Variants in PPIG observed in about 807,000 individuals in gnomAD.
PPIG encodes the protein peptidylprolyl isomerase G, also known as peptidyl-prolyl cis-trans isomerase G.
Under a neutral mutation model 87.9 loss-of-function variants are expected in PPIG, and 26 were observed. The observed-to-expected ratio is 0.30, with a 90% CI of 0.22 to 0.41. The LOEUF is 0.41. Among genes scored for constraint, PPIG ranks in the 10% least tolerant of loss-of-function variants. The pLI is 1.00. For synonymous variants in PPIG, 308 were observed against 276.5 expected, an observed-to-expected ratio of 1.11 and a Z score of -1.13; for missense variants, 722 against 879.4, an observed-to-expected ratio of 0.82 and a Z score of 2.26.
In PPIG at chr2:169,637,257, A is replaced by C; in HGVS notation, c.1999A>C (p.Lys667Gln). The stretch of plus-strand genomic sequence containing the variant: ...TGAGAGTGAGAAAAGAATGTACTCT[A>C]AAAGTCGTGATCATAATAGCTCAAA... ...NSESEKRMYS[K>Q]SRDHNSSNNS... The change falls in exon 14 of 14, where the codon AAA (lysine) becomes CAA (glutamine). Residue 667 changes from lysine (K) to glutamine (Q), a missense_variant. By Grantham distance (53) the Lys-to-Gln change is moderately conservative (BLOSUM62 1). This residue lies in a region of PPIG where 476 missense variants were observed against 483.1 expected (regional missense o/e 0.99). Transcript: ENST00000260970. 1 of 1,613,194 alleles carries C rather than the reference A, an allele frequency of 6.2e-7. No individual in the cohort carries two copies. The highest frequency in any genetic ancestry group is 8.5e-7 in the Non-Finnish European group (1 of 1,179,804).
At chr2:169,604,331 T>TG (rs1685262312) in intron 4 of PPIG, 70 bp downstream of exon 4, 1 of 534,482 alleles carries the variant, frequency 1.9e-6, no homozygotes, top group African/African-American at 2.2e-5. Flanking sequence ...TGCTTGGTTT[T>TG]TTTTTTTTTT....
chr2:169,634,888 G>C (rs1382990689), intron 12 of PPIG, among the ~76,000 whole-genome samples: 4 of 151,950 alleles, frequency 2.6e-5, no homozygotes, highest in Admixed American at 1.3e-4. Context: ...AATTACTGAG[G>C]ACCCAAAAGA....
At chr2:169,590,101 G>A (rs1313323332) in intron 1 of PPIG, among the ~76,000 whole-genome samples, 2 of 141,722 alleles carry the variant, frequency 1.4e-5, no homozygotes, top group Non-Finnish European at 1.5e-5. Flanking sequence ...AAGAAAGAGC[G>A]AAACTCTGTC....
chr2:169,591,748 G>C (rs994738387), intron 1 of PPIG, among the ~76,000 whole-genome samples: 2 of 149,496 alleles, frequency 1.3e-5, no homozygotes, highest in African/African-American at 4.9e-5. Context: ...GCTGATTGCT[G>C]TGTAGAAATG....
chr2:169,585,027 G>C (rs1462060861), intron 1 of PPIG: 1 of 159,926 alleles, frequency 6.3e-6, no homozygotes, highest in Non-Finnish European at 1.4e-5. Flanking sequence ...CTCCTCTTTC[G>C]ACCTTTTCCT....
At position 169,631,801 on chromosome 2, in the gene PPIG, C is replaced by T. The variant is rs755962530; in HGVS notation, c.797C>T (p.Ala266Val). ...GAGAGTGAAGCTGAAAATCTTGAAGCACAACCCCAGTCTACTGTCCGTCCA... is the reference window on the plus strand; with the variant it reads ...GAGAGTGAAGCTGAAAATCTTGAAGTACAACCCCAGTCTACTGTCCGTCCA... ...SSESEAENLEAQPQSTVRPEE... is the reference protein window; with the variant it reads ...SSESEAENLEVQPQSTVRPEE... Residue 266 changes from alanine to valine, a missense_variant, in exon 11 of 14, where the codon GCA becomes GTA. Physicochemically the swap from Ala to Val is moderately conservative, Grantham distance 64. Coordinates refer to ENST00000260970, the MANE Select transcript of PPIG (RefSeq NM_004792.3). The T allele has an allele frequency of 2.5e-6, 4 of 1,613,548 alleles. No homozygotes were observed. In the African/African-American group the frequency reaches 5.3e-5, roughly 22 times the overall value.
At chr2:169,613,155 CAT>C (rs1165743024) in intron 7 of PPIG, among the ~76,000 whole-genome samples, 2 of 152,106 alleles carry the variant, frequency 1.3e-5, no homozygotes, top group Non-Finnish European at 2.9e-5. Context: ...AAATGCAAAT[CAT>C]ATATATGCAT....
intron 1 of PPIG, among the ~76,000 whole-genome samples, chr2:169,594,039 A>G (rs1684945413): frequency 6.6e-6 from 1 of 152,044 alleles, no homozygotes; most frequent in African/African-American, 2.4e-5. Context: ...AGACAATTTC[A>G]CTTTTTTGTG....
intron 9 of PPIG, among the ~76,000 whole-genome samples, chr2:169,628,106 T>C (rs538820801): frequency 3.3e-5 from 5 of 152,272 alleles, no homozygotes; most frequent in South Asian, 2.1e-4. Context: ...AGGTTAACAG[T>C]TGGGCTCGTG....
intron 7 of PPIG, among the ~76,000 whole-genome samples, chr2:169,612,596 A>G (rs756699920): frequency 6.6e-6 from 1 of 151,802 alleles, no homozygotes; most frequent in African/African-American, 2.4e-5. Context: ...GTTAGCCAGG[A>G]TGGTCTCGAT....
chr2:169,623,919 C>G (rs1180100210), intron 9 of PPIG, among the ~76,000 whole-genome samples: 3 of 152,108 alleles, frequency 2.0e-5, no homozygotes, highest in Admixed American at 2.0e-4. Flanking sequence ...AACAAAGCAG[C>G]ATTTTGTTAC....
chr2:169,596,795 G>A (rs747639774), intron 1 of PPIG, among the ~76,000 whole-genome samples: 5 of 152,038 alleles, frequency 3.3e-5, no homozygotes, highest in African/African-American at 4.8e-5. Context: ...TGCTTCCCGG[G>A]TTTAAGCGAT....
At chr2:169,598,775 AT>A (rs1212676107) in intron 1 of PPIG, among the ~76,000 whole-genome samples, 33 of 149,040 alleles carry the variant, frequency 2.2e-4, no homozygotes, top group Admixed American at 6.7e-4. Flanking sequence ...TATATATCAA[AT>A]TATATATACA....
intron 1 of PPIG, among the ~76,000 whole-genome samples, chr2:169,586,190 G>C (rs992662063): frequency 2.6e-5 from 4 of 152,118 alleles, no homozygotes; most frequent in African/African-American, 9.7e-5. Flanking sequence ...AATTATTGAT[G>C]CTCTGAGATC....
rs185572830 is a variant in PPIG at position 169,615,784 on chromosome 2, C to T, written c.547+1060C>T. On this transcript the variant is annotated intron_variant, in intron 9 of 13. Coordinates refer to ENST00000260970, the MANE Select transcript of PPIG (RefSeq NM_004792.3). ...GAGAGTGAGATATCTCTTCAACACA[C>T]TGATCTCATTTCCTTTGGATATATA... Among the ~76,000 whole-genome samples, 3 of 152,294 alleles carry T rather than the reference C, an allele frequency of 2.0e-5. No individual in the cohort carries two copies. The East Asian group carries it at 5.8e-4, about 29-fold the overall frequency.
chr2:169,617,045 G>T (rs551732285), intron 9 of PPIG, among the ~76,000 whole-genome samples: 2 of 152,132 alleles, frequency 1.3e-5, no homozygotes, highest in Admixed American at 1.3e-4. Flanking sequence ...TGTATAAGGT[G>T]TAAGGAAGGG....
In PPIG at chr2:169,631,836, C is replaced by A; in HGVS notation, c.832C>A (p.Pro278Thr). The A allele has an allele frequency of 1.9e-6, 3 of 1,613,504 alleles. No individual in the cohort carries two copies. In the South Asian group the frequency reaches 3.3e-5, roughly 18 times the overall value. Reference sequence around the variant, plus strand: ...GTCTACTGTCCGTCCAGAAGAGATCCCTCCTATACCTGAAAATAGATTCCT... The same window carrying A: ...GTCTACTGTCCGTCCAGAAGAGATCACTCCTATACCTGAAAATAGATTCCT... ...PQSTVRPEEI[P>T]PIPENRFLMR... Residue 278 changes from proline (P) to threonine (T), a missense_variant, in exon 11 of 14, where the codon CCT (proline) becomes ACT (threonine). By Grantham distance (38) the Pro-to-Thr change is conservative. This residue lies in a region of PPIG where 142 missense variants were observed against 152.8 expected (regional missense o/e 0.93). Coordinates refer to ENST00000260970, the MANE Select transcript of PPIG (RefSeq NM_004792.3).
At chr2:169,615,713 G>C (rs1186788237) in intron 9 of PPIG, among the ~76,000 whole-genome samples, 5 of 141,830 alleles carry the variant, frequency 3.5e-5, no homozygotes, top group Non-Finnish European at 6.4e-5. Context: ...GTGGAAACAG[G>C]TTGATTCAGT....
At chr2:169,635,131 C>T (rs988877912) in intron 12 of PPIG, among the ~76,000 whole-genome samples, 9 of 152,218 alleles carry the variant, frequency 5.9e-5, no homozygotes, top group Admixed American at 5.2e-4. Flanking sequence ...TCTTTAGATC[C>T]TAGATCCCAC....
Sources: allele counts gnomAD v4.1 joint callset (sites outside exome capture counted in the v4.1 genomes callset), GRCh38; gene constraint gnomAD v4.1.1; regional missense constraint gnomAD v4.1.1; transcripts MANE v1.5; gene names NCBI Gene and HGNC (gene_info 2026-07-23, HGNC 2026-07-21).